The following SLC39A6 variants were observed in gnomAD, a reference collection of about 807,000 sequenced individuals.
SLC39A6 encodes zinc transporter ZIP6.
SLC39A6 carries 51 observed loss-of-function variants against 63.5 expected under a neutral mutation model. The observed-to-expected ratio is 0.80, with a 90% CI of 0.64 to 1.01. The LOEUF is 1.01. Ranked by LOEUF, SLC39A6 falls within the 50% of genes least tolerant of loss-of-function variation. The pLI is 0.00. For missense variants in SLC39A6, 805 were observed against 927.8 expected, an observed-to-expected ratio of 0.87 and a Z score of 1.72; for synonymous variants, 318 against 324.7, an observed-to-expected ratio of 0.98 and a Z score of 0.22.
intron 6 of SLC39A6, among the ~76,000 whole-genome samples, chr18:36,115,268 C>T (rs1296292700): frequency 1.4e-4 from 21 of 151,924 alleles, no homozygotes; most frequent in African/African-American, 4.6e-4. Context: ...GGTGAAACCC[C>T]GTCTCTACTA....
At chr18:36,114,019 CT>C (rs570589893) in intron 7 of SLC39A6, 77 bp downstream of exon 7, 100 of 1,491,316 alleles carry the variant, frequency 6.7e-5, no homozygotes, top group Non-Finnish European at 8.7e-5. Context: ...CTAATCTATT[CT>C]TTGTTAAAAT....
rs2089397621 is a variant in SLC39A6, at chr18:36,121,938, T to G, written c.1359+114A>C. ...AAAAAGTACTTCAAGGGTACTGAAC[T>G]CCCTCTCAAATAAAGCTCATACAAC... On this transcript the variant is annotated intron_variant, in intron 5 of 9. Transcript: ENST00000269187. The G allele has an allele frequency of 4.2e-6, 3 of 721,280 alleles. No individual in the cohort carries two copies. In the Admixed American group the frequency reaches 8.7e-5, roughly 21 times the overall value. The allele number at this position is 721,280 out of a possible 1,614,324, so 44.7% of individuals were successfully genotyped here.
chr18:36,111,238 C>G lies in SLC39A6; in HGVS notation c.1936G>C (p.Val646Leu). 3 of 1,613,650 alleles carry G rather than the reference C, an allele frequency of 1.9e-6. No homozygotes were observed. The highest frequency in any genetic ancestry group is 1.7e-6 in the Non-Finnish European group (2 of 1,179,768). ...ELPHELGDFA[V>L]LLKAGMTVKQ... ...ACGGTCATGCCAGCCTTTAGTAGAA[C>G]AGCAAAGTCACCTTTAACAGAAAAC... The change falls in exon 9 of 10, where the codon GTT becomes CTT. Residue 646 changes from valine (V) to leucine (L), a missense_variant. This residue lies in a region of SLC39A6 where 145 missense variants were observed against 227.2 expected (regional missense o/e 0.64). Coordinates refer to ENST00000269187, the MANE Select transcript of SLC39A6 (RefSeq NM_012319.4).
chr18:36,108,863 A>G lies in SLC39A6; in HGVS notation c.*730T>C, dbSNP rs184371835. Reference sequence around the variant, plus strand: ...TACTCACTGTACTCATCTGGTATATACCCGCACGAACATTTTGAAATTCCA... The same window carrying G: ...TACTCACTGTACTCATCTGGTATATGCCCGCACGAACATTTTGAAATTCCA... On this transcript the variant is annotated 3_prime_UTR_variant, in exon 10 of 10. Coordinates refer to ENST00000269187, the MANE Select transcript of SLC39A6 (RefSeq NM_012319.4). 1 of 152,276 alleles carries G rather than the reference A, an allele frequency of 6.6e-6. No individual in the cohort carries two copies. The highest frequency in any genetic ancestry group is 6.5e-5 in the Admixed American group (1 of 15,294). 9.4% of individuals were successfully genotyped at this position (152,276 alleles called of 1,614,324 possible).
Position 36,109,700 on chromosome 18 carries a change from G to A in SLC39A6, c.2161C>T (p.Arg721Cys), listed in dbSNP as rs1165270224. 4 of 1,611,906 alleles carry A rather than the reference G, an allele frequency of 2.5e-6. No homozygotes were observed. Among genetic ancestry groups the A allele is most frequent in the Middle Eastern group, 1.7e-4 (1 of 6,048 alleles). ...TTCTGTAAAAAGAAATACCCCCAGC[G>A]GCTACATCCATGGTCACTAGCATCA... is the stretch of plus-strand genomic sequence containing the variant. Reference protein sequence around the residue: ...HNDASDHGCSRWGYFFLQNAG... With the variant: ...HNDASDHGCSCWGYFFLQNAG... Residue 721 changes from arginine to cysteine, a missense_variant, in exon 10 of 10, where the codon CGC becomes TGC. Coordinates refer to ENST00000269187, the MANE Select transcript of SLC39A6 (RefSeq NM_012319.4).
intron 7 of SLC39A6, 132 bp downstream of exon 7, chr18:36,113,965 T>G: frequency 8.4e-7 from 1 of 1,190,084 alleles, no homozygotes; most frequent in Non-Finnish European, 1.1e-6. Flanking sequence ...AAAGAAAAAG[T>G]AACATTTTTA....
chr18:36,123,779 C>T lies in SLC39A6; in HGVS notation c.971-115G>A. ...CGTAAAAGGAGAGAAGCTAAAAACA[C>T]ACAAATTCAATGCAAATAGGACCTA... On this transcript the variant is annotated intron_variant, in intron 3 of 9. Transcript: ENST00000269187. 2.9e-6 allele frequency: 3 copies of T among 1,041,802 alleles called. No individual in the cohort carries two copies. The South Asian group carries it at 5.4e-5, about 19-fold the overall frequency. The allele number at this position is 1,041,802 out of a possible 1,614,324, so 64.5% of individuals were successfully genotyped here.
rs997164685 is a variant in SLC39A6, at chr18:36,126,842, G to T, written c.166C>A (p.His56Asn). The change falls in exon 2 of 10, where the codon CAT becomes AAT. Residue 56 changes from histidine (H) to asparagine (N), a missense_variant. By Grantham distance (68) the His-to-Asn change is moderately conservative (BLOSUM62 1). This residue lies in a region of SLC39A6 where 639 missense variants were observed against 644.0 expected (regional missense o/e 0.99). Coordinates refer to ENST00000269187, the MANE Select transcript of SLC39A6 (RefSeq NM_012319.4). ...TAGCGGTAGAAAAGCTGTTGTAGAT[G>T]ATATTGCCGTGTGGAAATTGCCAAG... Reference protein sequence around the residue: ...VDLAISTRQYHLQQLFYRYGE... With the variant: ...VDLAISTRQYNLQQLFYRYGE... 1 of 1,614,074 alleles carries T rather than the reference G, an allele frequency of 6.2e-7. No homozygotes were observed. The highest frequency in any genetic ancestry group is 1.1e-5 in the South Asian group (1 of 91,082).
chr18:36,109,910 C>T (rs573027893), intron 9 of SLC39A6, among the ~76,000 whole-genome samples, 165 bp from the exon 10 acceptor site: 105 of 152,274 alleles, frequency 6.9e-4, no homozygotes, highest in Non-Finnish European at 1.1e-3. Context: ...CTCTAGCTAA[C>T]AATGTCACAC....
intron 9 of SLC39A6, 94 bp from the exon 10 acceptor site, chr18:36,109,839 T>G (rs1392087066): frequency 1.1e-6 from 1 of 940,444 alleles, no homozygotes; most frequent in African/African-American, 1.7e-5. Flanking sequence ...GTATACTAGC[T>G]TTATTTGTAG....
At chr18:36,116,056 C>T (rs2089342592) in intron 6 of SLC39A6, among the ~76,000 whole-genome samples, 1 of 152,222 alleles carries the variant, frequency 6.6e-6, no homozygotes, top group Non-Finnish European at 1.5e-5. Context: ...CAACTAAATG[C>T]AATATTTGAT....
At chr18:36,125,196 G>A (rs755737122) in intron 2 of SLC39A6, among the ~76,000 whole-genome samples, 1 of 152,084 alleles carries the variant, frequency 6.6e-6, no homozygotes, top group African/African-American at 2.4e-5. Context: ...TCTGCAATGA[G>A]AGGATATTAA....
chr18:36,110,982 A>G, intron 9 of SLC39A6, 77 bp downstream of exon 9: 1 of 1,567,014 alleles, frequency 6.4e-7, no homozygotes, highest in East Asian at 2.3e-5. Context: ...AAAGAGAGAA[A>G]AAAAATGAGG....
intron 5 of SLC39A6, 139 bp downstream of exon 5, chr18:36,121,912 CA>C (rs1202010178): frequency 1.6e-6 from 1 of 618,054 alleles, no homozygotes; most frequent in Non-Finnish European, 2.8e-6. Context: ...TCTCTGGGAC[CA>C]AAAAGTACTT....
At chr18:36,127,294 G>A (rs1172278358) in intron 1 of SLC39A6, among the ~76,000 whole-genome samples, 1 of 152,204 alleles carries the variant, frequency 6.6e-6, no homozygotes, top group African/African-American at 2.4e-5. Flanking sequence ...AGACAAGGGA[G>A]ATCCATGTGG....
At chr18:36,128,712 T>C (rs2089477623) in intron 1 of SLC39A6, among the ~76,000 whole-genome samples, 1 of 152,134 alleles carries the variant, frequency 6.6e-6, no homozygotes, top group East Asian at 1.9e-4. Flanking sequence ...TCTCCTTTCC[T>C]GCAAGTTGGT....
chr18:36,126,967 G>A lies in SLC39A6; in HGVS notation c.41C>T (p.Ala14Val), dbSNP rs376497569. 6.2e-7 allele frequency: 1 copy of A among 1,613,980 alleles called. No individual in the cohort carries two copies. Among genetic ancestry groups the A allele is most frequent in the South Asian group, 1.1e-5 (1 of 91,068 alleles). The change falls in exon 2 of 10, where the codon GCC becomes GTC. Residue 14 changes from alanine (A) to valine (V), a missense_variant. Around this residue, in one of 4 missense-constraint regions of SLC39A6, gnomAD observed 639 missense variants for 644.0 expected, o/e 0.99. Transcript: ENST00000269187. ...KLSVILILTF[A>V]LSVTNPLHEL... Reference sequence around the variant, plus strand: ...ATGAAGGGGATTTGTGACAGAGAGGGCAAAGGTCAGGATCAAGATTACAGA... The same window carrying A: ...ATGAAGGGGATTTGTGACAGAGAGGACAAAGGTCAGGATCAAGATTACAGA...
intron 3 of SLC39A6, 49 bp from the exon 4 acceptor site, chr18:36,123,713 A>C: frequency 6.5e-7 from 1 of 1,540,778 alleles, no homozygotes; most frequent in Non-Finnish European, 8.7e-7. Context: ...CAACTAATAA[A>C]CTCTACAAGA....
intron 5 of SLC39A6, among the ~76,000 whole-genome samples, chr18:36,119,384 T>C (rs1317841256): frequency 2.0e-5 from 3 of 152,134 alleles, no homozygotes; most frequent in African/African-American, 7.2e-5. Flanking sequence ...CTACCATCGA[T>C]TATGTACCAG....
Sources: gnomAD v4.1 joint callset for allele counts (sites outside exome capture counted in the v4.1 genomes callset) on GRCh38, gnomAD v4.1.1 for gene constraint, gnomAD v4.1.1 regional missense constraint, MANE v1.5 for transcripts, NCBI Gene and HGNC (gene_info 2026-07-23, HGNC 2026-07-21) for gene names.